The following RADIL variants were observed in gnomAD, a reference collection of about 807,000 sequenced individuals.
The protein encoded by RADIL is Rap associating with DIL domain, also known as ras-associating and dilute domain-containing protein.
RADIL carries 99 observed loss-of-function variants against 97.6 expected under a neutral mutation model. That is an observed-to-expected ratio of 1.01 (90% CI 0.86 to 1.20). RADIL has a LOEUF of 1.20. Ranked by LOEUF, RADIL falls within the 50% of genes most tolerant of loss-of-function variation. The pLI is 0.00. For synonymous variants in RADIL, 803 were observed against 691.8 expected, an observed-to-expected ratio of 1.16 and a Z score of -2.52; for missense variants, 1,765 against 1,498.9, an observed-to-expected ratio of 1.18 and a Z score of -2.93.
chr7:4,878,576 G>A lies in RADIL; in HGVS notation c.-64-373C>T, dbSNP rs1359940991. On this transcript the variant is annotated intron_variant, in intron 1 of 14. Coordinates refer to ENST00000399583, the MANE Select transcript of RADIL (RefSeq NM_018059.5). The surrounding 1 kb of genome is among the most constrained non-coding windows in gnomAD (Gnocchi z 4.1). ...GACATAACAGGCCGTGGGCATCCTG[G>A]CCCCGCAGACCTGACACCAGAGCAC... Among the ~76,000 whole-genome samples the A allele has an allele frequency of 6.6e-6, 1 of 152,160 alleles. No individual in the cohort carries two copies. Among genetic ancestry groups the A allele is most frequent in the East Asian group, 1.9e-4 (1 of 5,184 alleles).
chr7:4,861,536 T>C (rs1341302117), intron 2 of RADIL: 1 of 1,613,976 alleles, frequency 6.2e-7, no homozygotes, highest in African/African-American at 1.3e-5. Context: ...TCCAACGTTT[T>C]CAATTACAGA....
chr7:4,861,138 G>A (rs369902661), intron 2 of RADIL: 1 of 1,614,230 alleles, frequency 6.2e-7, no homozygotes, highest in South Asian at 1.1e-5. Flanking sequence ...ATGGCTCTCA[G>A]AGTCAGCCTG....
rs1022082123 is a variant in RADIL at position 4,883,156 on chromosome 7, G to A, written c.-65+440C>T. The stretch of plus-strand genomic sequence containing the variant: ...CGCCGGCCCAGGTGGGAGAGCGCGC[G>A]GAACCCTGCGCCCCGCTCCCCCGCT... On this transcript the variant is annotated intron_variant, in intron 1 of 14. Coordinates refer to ENST00000399583, the MANE Select transcript of RADIL (RefSeq NM_018059.5). The surrounding 1 kb of genome is among the most constrained non-coding windows in gnomAD (Gnocchi z 7.1). Among the ~76,000 whole-genome samples, 2 of 144,706 alleles carry A rather than the reference G, an allele frequency of 1.4e-5. No individual in the cohort carries two copies. Among genetic ancestry groups the A allele is most frequent in the Non-Finnish European group, 2.9e-5 (2 of 67,914 alleles). 94.9% of individuals were successfully genotyped at this position (144,706 alleles called of 152,430 possible). A position where few individuals can be genotyped will look rare whatever the true frequency, so the allele number is the denominator to read the frequency against.
At chr7:4,801,546 G>A (rs756554868) in intron 12 of RADIL, 107 bp downstream of exon 12, 16 of 1,255,904 alleles carry the variant, frequency 1.3e-5, no homozygotes, top group Non-Finnish European at 1.7e-5. Flanking sequence ...TGTGGGGCAG[G>A]TAAGGAAACC....
chr7:4,882,527 G>A (rs988402715), intron 1 of RADIL, among the ~76,000 whole-genome samples: 1 of 152,130 alleles, frequency 6.6e-6, no homozygotes, highest in Non-Finnish European at 1.5e-5. Flanking sequence ...GCGAGTACAG[G>A]GAGTGAGGTC....
In RADIL at chr7:4,800,813, G is replaced by C. The variant is rs115234584; in HGVS notation, c.2843-503C>G. Among the ~76,000 whole-genome samples, 327 of 152,298 alleles carry C rather than the reference G, an allele frequency of 2.1e-3. 4 individuals carry two copies. Among genetic ancestry groups the C allele is most frequent in the African/African-American group, 7.6e-3 (316 of 41,564 alleles). On this transcript the variant is annotated intron_variant, in intron 12 of 14. Transcript: ENST00000399583. The stretch of plus-strand genomic sequence containing the variant: ...CTGCCGTGGGTGCACTTAGGTCAGA[G>C]ATGAGCTGTGCACCTGAGCAAGTGG...
chr7:4,835,196 C>T lies in RADIL; in HGVS notation c.827G>A (p.Gly276Asp). The T allele has an allele frequency of 6.2e-7, 1 of 1,611,676 alleles. No individual in the cohort carries two copies. Among genetic ancestry groups the T allele is most frequent in the Middle Eastern group, 1.6e-4 (1 of 6,062 alleles). ...GGGCTTGCTGGAGGGGGTCCGCTGG[C>T]CCACCGTGTGCCGGTCCCGGTTGAG... Reference protein sequence around the residue: ...YVLNRDRHTVGQRTPSSKPSI... With the variant: ...YVLNRDRHTVDQRTPSSKPSI... Residue 276 changes from glycine (G) to aspartate (D), a missense_variant, in exon 4 of 15, where the codon GGC becomes GAC. By Grantham distance (94) the Gly-to-Asp change is moderately conservative. Coordinates refer to ENST00000399583, the MANE Select transcript of RADIL (RefSeq NM_018059.5). This position sits in a 1 kb window ranked among gnomAD's most constrained non-coding sequence, Gnocchi z 5.8.
chr7:4,799,976 C>G (rs1371511166), intron 13 of RADIL, among the ~76,000 whole-genome samples, 195 bp downstream of exon 13: 1 of 152,114 alleles, frequency 6.6e-6, no homozygotes, highest in Non-Finnish European at 1.5e-5. Context: ...AGGACAGAGG[C>G]AAGAGACAGC....
intron 9 of RADIL, among the ~76,000 whole-genome samples, chr7:4,809,843 C>A (rs181293575): frequency 1.3e-5 from 2 of 151,826 alleles, no homozygotes; most frequent in Admixed American, 1.3e-4. Flanking sequence ...TTACACCACG[C>A]CTGGCTAATT....
chr7:4,867,832 A>C lies in RADIL; in HGVS notation c.535+9773T>G, dbSNP rs1784163396. ...GAGTGGGTTCCCAAGGACAATGACA[A>C]TGAAAAAAGAAAATGATCCTATCCA... On this transcript the variant is annotated intron_variant, in intron 2 of 14. Transcript: ENST00000399583. The surrounding 1 kb of genome is among the most constrained non-coding windows in gnomAD (Gnocchi z 4.1). 1.3e-5 allele frequency among the ~76,000 whole-genome samples: 2 copies of C among 152,180 alleles called. No homozygotes were observed. Among genetic ancestry groups the C allele is most frequent in the African/African-American group, 4.8e-5 (2 of 41,444 alleles).
intron 2 of RADIL, among the ~76,000 whole-genome samples, chr7:4,869,896 C>A (rs1583323669): frequency 6.6e-6 from 1 of 152,226 alleles, no homozygotes; most frequent in East Asian, 1.9e-4. Flanking sequence ...TTTGGGAGGC[C>A]AAGGCAGGAG....
chr7:4,861,897 G>A, intron 2 of RADIL: 1 of 951,274 alleles, frequency 1.1e-6, no homozygotes, highest in Non-Finnish European at 1.5e-6. Context: ...TGAGGCGGAA[G>A]GGCAGGGCTT....
At chr7:4,870,426 C>T (rs111752786) in intron 2 of RADIL, among the ~76,000 whole-genome samples, 35 of 152,228 alleles carry the variant, frequency 2.3e-4, no homozygotes, top group African/African-American at 7.9e-4. Flanking sequence ...CAGATATTAA[C>T]GTGGTTTTTT....
rs575586088 is a variant in RADIL, at chr7:4,854,212, T to A, written c.536-17607A>T. Among the ~76,000 whole-genome samples, 1 of 151,692 alleles carries A rather than the reference T, an allele frequency of 6.6e-6. No individual in the cohort carries two copies. Among genetic ancestry groups the A allele is most frequent in the East Asian group, 1.9e-4 (1 of 5,176 alleles). ...AAAGTAGAAAAAGCCTGGTCCCTGG[T>A]GACCAGGAAAGCCACCGTTACCAGC... On this transcript the variant is annotated intron_variant, in intron 2 of 14. Coordinates refer to ENST00000399583, the MANE Select transcript of RADIL (RefSeq NM_018059.5). The surrounding 1 kb of genome is among the most constrained non-coding windows in gnomAD (Gnocchi z 5.1).
At chr7:4,832,465 A>G (rs1783172291) in intron 4 of RADIL, among the ~76,000 whole-genome samples, 1 of 152,198 alleles carries the variant, frequency 6.6e-6, no homozygotes, top group African/African-American at 2.4e-5. Flanking sequence ...GAGGCTGGGC[A>G]AGGTGGCTCA....
chr7:4,861,760 C>CG, intron 2 of RADIL: 2 of 1,485,230 alleles, frequency 1.3e-6, no homozygotes, highest in Non-Finnish European at 1.8e-6. Flanking sequence ...AGCGATTCGG[C>CG]GGCGGCGCCG....
At chr7:4,853,823 T>C (rs1440085380) in intron 2 of RADIL, among the ~76,000 whole-genome samples, 1 of 152,136 alleles carries the variant, frequency 6.6e-6, no homozygotes, top group Non-Finnish European at 1.5e-5. Flanking sequence ...TATATGTGTG[T>C]TGTGAAAGAG....
chr7:4,851,011 T>C (rs527507832), intron 2 of RADIL, among the ~76,000 whole-genome samples: 1 of 151,888 alleles, frequency 6.6e-6, no homozygotes, highest in African/African-American at 2.4e-5. Flanking sequence ...AGACCAGCCT[T>C]GCCAACATGG....
intron 4 of RADIL, among the ~76,000 whole-genome samples, chr7:4,833,242 G>A (rs1783198368): frequency 6.6e-6 from 1 of 152,204 alleles, no homozygotes; most frequent in Non-Finnish European, 1.5e-5. Context: ...ACATCGTCAG[G>A]GTGGTTGTGA....
Sources: allele counts gnomAD v4.1 joint callset (sites outside exome capture counted in the v4.1 genomes callset), GRCh38; gene constraint gnomAD v4.1.1; non-coding constraint Gnocchi (gnomAD v3.1); transcripts MANE v1.5; gene names NCBI Gene and HGNC (gene_info 2026-07-23, HGNC 2026-07-21).